TXNRD2: variants seen among roughly 807,000 people sequenced by gnomAD.
The protein encoded by TXNRD2 is thioredoxin reductase 2.
TXNRD2 carries 67 observed loss-of-function variants against 70.8 expected under a neutral mutation model. The observed-to-expected ratio is 0.95, with a 90% CI of 0.78 to 1.16. The LOEUF (loss-of-function observed/expected upper bound fraction) is 1.16, where lower values mean the gene tolerates loss of function less well. Ranked by LOEUF, TXNRD2 falls within the 50% of genes most tolerant of loss-of-function variation. The probability of loss-of-function intolerance (pLI) is 0.00; values close to 1 mark genes in which losing one functional copy is unlikely to be tolerated. For missense variants in TXNRD2, 644 were observed against 719.9 expected, an observed-to-expected ratio of 0.89 and a Z score of 1.21; for synonymous variants, 301 against 295.8, an observed-to-expected ratio of 1.02 and a Z score of -0.18.
rs750673603 is a variant in TXNRD2, at chr22:19,918,128, AG to A, written c.449+14del. The A allele has an allele frequency of 3.1e-6, 5 of 1,613,220 alleles. No homozygotes were observed. In the Admixed American group the frequency reaches 6.7e-5, roughly 22 times the overall value. ...GGCCCAGAGGGCGGCCCATTCCCGG[AG>A]AGAGCTTCAGTACCTGTCCTGAAGC... On this transcript the variant is annotated intron_variant, in intron 5 of 17. Coordinates refer to ENST00000400521, the MANE Select transcript of TXNRD2 (RefSeq NM_006440.5).
chr22:19,890,187 C>G (rs1277357039), intron 11 of TXNRD2, among the ~76,000 whole-genome samples: 1 of 152,194 alleles, frequency 6.6e-6, no homozygotes, highest in Non-Finnish European at 1.5e-5. Flanking sequence ...GTCTCAGGAG[C>G]AGCAGCGCAC....
chr22:19,893,104 G>T (rs1939338371), intron 11 of TXNRD2, among the ~76,000 whole-genome samples: 1 of 152,166 alleles, frequency 6.6e-6, no homozygotes, highest in South Asian at 2.1e-4. Flanking sequence ...CATTCCGAGT[G>T]ACTGCTTCAG....
At chr22:19,907,695 G>A (rs1601431481) in intron 8 of TXNRD2, among the ~76,000 whole-genome samples, 2 of 47,224 alleles carry the variant, frequency 4.2e-5, no homozygotes, top group East Asian at 8.8e-4. Context: ...GGGCGCCGTG[G>A]GTAGCAGTGA....
At chr22:19,909,759 CT>C (rs1569093466) in intron 8 of TXNRD2, among the ~76,000 whole-genome samples, 3 of 104,626 alleles carry the variant, frequency 2.9e-5, no homozygotes, top group East Asian at 3.2e-4. Context: ...CACCCACACC[CT>C]TCACACACAC....
At chr22:19,898,510 CTT>C (rs386394954) in intron 9 of TXNRD2, among the ~76,000 whole-genome samples, 12,179 of 93,944 alleles carry the variant, frequency 0.13, 328 homozygotes, top group Middle Eastern at 0.22. Context: ...CGGCTTGGGG[CTT>C]TTTTTTTTTT....
chr22:19,887,999 A>G (rs1939105481), intron 11 of TXNRD2: 1 of 152,716 alleles, frequency 6.5e-6, no homozygotes. Context: ...GATGGGCCCA[A>G]CAAAGTTTGT....
rs766748004 is a variant in TXNRD2 at position 19,880,671 on chromosome 22, A to T, written c.1133T>A (p.Leu378Gln). ...GGACCCGCCGAAGAGCCGCTGCACC[A>T]GGAGCCTCCCGGCCATGATCGCTAT... Reference protein sequence around the residue: ...TPIAIMAGRLLVQRLFGGSSD... With the variant: ...TPIAIMAGRLQVQRLFGGSSD... The change falls in exon 13 of 18, where the codon CTG becomes CAG. Residue 378 changes from leucine to glutamine, a missense_variant. Coordinates refer to ENST00000400521, the MANE Select transcript of TXNRD2 (RefSeq NM_006440.5). 6.2e-7 allele frequency: 1 copy of T among 1,613,428 alleles called. No individual in the cohort carries two copies. Among genetic ancestry groups the T allele is most frequent in the Non-Finnish European group, 8.5e-7 (1 of 1,180,030 alleles).
At chr22:19,899,605 G>C (rs1939680947) in intron 8 of TXNRD2, among the ~76,000 whole-genome samples, 1 of 152,250 alleles carries the variant, frequency 6.6e-6, no homozygotes, top group African/African-American at 2.4e-5. Flanking sequence ...GGACAAGGGA[G>C]GCAGCACAGG....
At chr22:19,934,090 C>T (rs1249568850) in intron 1 of TXNRD2, among the ~76,000 whole-genome samples, 1 of 152,204 alleles carries the variant, frequency 6.6e-6, no homozygotes, top group Non-Finnish European at 1.5e-5. Flanking sequence ...GGCTGGCCAC[C>T]TCAGGGTGCC....
intron 7 of TXNRD2, among the ~76,000 whole-genome samples, chr22:19,913,021 C>T (rs574264847): frequency 2.0e-5 from 3 of 152,294 alleles, no homozygotes; most frequent in East Asian, 3.9e-4. Flanking sequence ...TTGGAGCAGG[C>T]GGCACACGGT....
At chr22:19,916,817 C>T (rs957285664) in intron 5 of TXNRD2, among the ~76,000 whole-genome samples, 2 of 151,988 alleles carry the variant, frequency 1.3e-5, no homozygotes, top group African/African-American at 4.8e-5. Context: ...CTATGTTGCT[C>T]AGGCTGGTCT....
At chr22:19,911,007 A>C in intron 8 of TXNRD2, 1 of 325,224 alleles carries the variant, frequency 3.1e-6, no homozygotes, top group South Asian at 2.5e-5. Flanking sequence ...CCTGGGAGGC[A>C]GGGATTGCAG....
Position 19,877,067 on chromosome 22 carries a change from G to A in TXNRD2, c.*38C>T. 2 of 1,572,750 alleles carry A rather than the reference G, an allele frequency of 1.3e-6. No individual in the cohort carries two copies. The highest frequency in any genetic ancestry group is 1.7e-6 in the Non-Finnish European group (2 of 1,149,794). On this transcript the variant is annotated 3_prime_UTR_variant, in exon 17 of 18. Transcript: ENST00000400521. Reference sequence around the variant, plus strand: ...GGGTCTGGCCTCCGAGGAGCTGGCGGCGGGCGCACCGTGTGCCCTGGCCTG... The same window carrying A: ...GGGTCTGGCCTCCGAGGAGCTGGCGACGGGCGCACCGTGTGCCCTGGCCTG...
chr22:19,932,804 T>A (rs1225529388), intron 1 of TXNRD2, among the ~76,000 whole-genome samples: 1 of 151,948 alleles, frequency 6.6e-6, no homozygotes, highest in Non-Finnish European at 1.5e-5. Flanking sequence ...GCAGGGTCTG[T>A]CATACAAGGC....
chr22:19,915,332 C>T lies in TXNRD2; in HGVS notation c.529-56G>A, dbSNP rs1046533374. On this transcript the variant is annotated intron_variant, in intron 6 of 17. Transcript: ENST00000400521. ...GACAGGTGCATGGTGATCACCCCAC[C>T]GGAGGGCCTGAGCACCACAGACCTT... 13 of 1,571,030 alleles carry T rather than the reference C, an allele frequency of 8.3e-6. No individual in the cohort carries two copies. In the East Asian group the frequency reaches 1.1e-4, roughly 14 times the overall value.
At chr22:19,931,506 G>A (rs780402226) in intron 1 of TXNRD2, among the ~76,000 whole-genome samples, 16 of 152,072 alleles carry the variant, frequency 1.1e-4, no homozygotes, top group Non-Finnish European at 1.9e-4. Context: ...GAAGGAACAC[G>A]GTCAGCACAG....
chr22:19,897,230 G>A (rs1311740230), intron 10 of TXNRD2, among the ~76,000 whole-genome samples: 1 of 152,178 alleles, frequency 6.6e-6, no homozygotes, highest in Admixed American at 6.5e-5. Context: ...GGCACTGGGA[G>A]TCTGGAGATG....
intron 8 of TXNRD2, among the ~76,000 whole-genome samples, chr22:19,909,750 AC>A (rs1324850873): frequency 9.9e-5 from 13 of 130,948 alleles, no homozygotes; most frequent in East Asian, 2.3e-4. Flanking sequence ...CACCACACAC[AC>A]CCACACCCTT....
intron 8 of TXNRD2, among the ~76,000 whole-genome samples, chr22:19,902,294 T>C (rs1002728880): frequency 6.6e-6 from 1 of 152,240 alleles, no homozygotes; most frequent in African/African-American, 2.4e-5. Flanking sequence ...TAATAACTAC[T>C]GCAGGATGAG....
Sources: gnomAD v4.1 joint callset for allele counts (sites outside exome capture counted in the v4.1 genomes callset) on GRCh38, gnomAD v4.1.1 for gene constraint, MANE v1.5 for transcripts, NCBI Gene and HGNC (gene_info 2026-07-23, HGNC 2026-07-21) for gene names.